KCND2: variants seen among roughly 807,000 people sequenced by gnomAD.
KCND2 encodes the protein potassium voltage-gated channel subfamily D member 2, also known as A-type voltage-gated potassium channel KCND2.
Under a neutral mutation model 54.4 loss-of-function variants are expected in KCND2, and 16 were observed. That is an observed-to-expected ratio of 0.29 (90% CI 0.20 to 0.45). The LOEUF (loss-of-function observed/expected upper bound fraction) is 0.45. Among genes scored for constraint, KCND2 ranks in the 20% least tolerant of loss-of-function variants. KCND2 has a pLI of 1.00. For synonymous variants in KCND2, 317 were observed against 310.7 expected, an observed-to-expected ratio of 1.02 and a Z score of -0.21; for missense variants, 486 against 824.2, an observed-to-expected ratio of 0.59 and a Z score of 5.02.
Position 120,528,121 on chromosome 7 carries a change from C to T in KCND2, c.1116-204782C>T, listed in dbSNP as rs114196758. Among the ~76,000 whole-genome samples the T allele has an allele frequency of 5.1e-3, 771 of 152,092 alleles. 6 individuals are homozygous for T. The highest frequency in any genetic ancestry group is 0.018 in the African/African-American group (727 of 41,522). On this transcript the variant is annotated intron_variant, in intron 1 of 5. Transcript: ENST00000331113. ...TCTGCTACAAAGACAAACATTGTCC[C>T]AATACTCTCAGGCCCACAGGGAAGA...
chr7:120,397,061 T>A (rs1164249759), intron 1 of KCND2, among the ~76,000 whole-genome samples: 1 of 152,028 alleles, frequency 6.6e-6, no homozygotes, highest in African/African-American at 2.4e-5. Context: ...TACACGATCC[T>A]AGGAAAGAAG....
chr7:120,361,515 A>G (rs1197717026), intron 1 of KCND2, among the ~76,000 whole-genome samples: 5 of 151,988 alleles, frequency 3.3e-5, no homozygotes, highest in African/African-American at 7.2e-5. Flanking sequence ...TTAGAAGGGC[A>G]ATTTGTAAAA....
chr7:120,276,304 A>C (rs1310213037), intron 1 of KCND2, among the ~76,000 whole-genome samples: 2 of 152,182 alleles, frequency 1.3e-5, no homozygotes, highest in East Asian at 3.8e-4. Flanking sequence ...ATTCATATGT[A>C]TGCACTTTAA....
At chr7:120,736,405 C>A (rs977628936) in intron 2 of KCND2, among the ~76,000 whole-genome samples, 2 of 151,932 alleles carry the variant, frequency 1.3e-5, no homozygotes, top group African/African-American at 4.8e-5. Context: ...CTACTCCCAC[C>A]ATTGGTAATT....
At chr7:120,326,406 A>T (rs1799978688) in intron 1 of KCND2, among the ~76,000 whole-genome samples, 1 of 152,128 alleles carries the variant, frequency 6.6e-6, no homozygotes, top group Non-Finnish European at 1.5e-5. Flanking sequence ...ACAAAAATAG[A>T]AAAGTGATTA....
At chr7:120,713,514 CTGTGAAACAGT>C (rs1792566446) in intron 1 of KCND2, among the ~76,000 whole-genome samples, 2 of 152,166 alleles carry the variant, frequency 1.3e-5, no homozygotes, top group African/African-American at 2.4e-5. Flanking sequence ...ATGTCATCAA[CTGTGAAACAGT>C]AGGAAAGAGC....
At chr7:120,406,135 T>C (rs1456527455) in intron 1 of KCND2, among the ~76,000 whole-genome samples, 1 of 151,982 alleles carries the variant, frequency 6.6e-6, no homozygotes, top group Non-Finnish European at 1.5e-5. Flanking sequence ...AGGCATATGA[T>C]ATCTGGTGAA....
intron 1 of KCND2, among the ~76,000 whole-genome samples, chr7:120,445,285 T>A (rs1397711293): frequency 6.6e-6 from 1 of 152,194 alleles, no homozygotes; most frequent in Non-Finnish European, 1.5e-5. Flanking sequence ...AAGCCATTGT[T>A]GAAAAACAGT....
At chr7:120,426,584 C>CTTTTT (rs1563042450) in intron 1 of KCND2, among the ~76,000 whole-genome samples, 1 of 123,752 alleles carries the variant, frequency 8.1e-6, no homozygotes. Context: ...TGGGGTTTTT[C>CTTTTT]TTTGTTTTTT....
chr7:120,503,706 C>T (rs1802971996), intron 1 of KCND2, among the ~76,000 whole-genome samples: 1 of 151,870 alleles, frequency 6.6e-6, no homozygotes, highest in South Asian at 2.1e-4. Context: ...TCCCAGAGCC[C>T]CAGCTCTTTA....
chr7:120,630,553 T>C (rs573523127), intron 1 of KCND2, among the ~76,000 whole-genome samples: 1 of 152,278 alleles, frequency 6.6e-6, no homozygotes, highest in African/African-American at 2.4e-5. Context: ...TTATTATTAA[T>C]TTTAAATAAA....
At chr7:120,515,996 C>T (rs1441546808) in intron 1 of KCND2, among the ~76,000 whole-genome samples, 1 of 152,110 alleles carries the variant, frequency 6.6e-6, no homozygotes, top group African/African-American at 2.4e-5. Flanking sequence ...TATACCTCTT[C>T]TCAGCACTTT....
intron 1 of KCND2, among the ~76,000 whole-genome samples, chr7:120,641,472 G>A (rs901590747): frequency 6.6e-6 from 1 of 151,986 alleles, no homozygotes; most frequent in Non-Finnish European, 1.5e-5. Context: ...ATAATGGATA[G>A]TTTCTCCAGG....
At chr7:120,601,814 C>G (rs191956289) in intron 1 of KCND2, among the ~76,000 whole-genome samples, 30 of 152,254 alleles carry the variant, frequency 2.0e-4, no homozygotes, top group African/African-American at 6.3e-4. Context: ...ATAAAACTCT[C>G]TACCCACACT....
intron 1 of KCND2, among the ~76,000 whole-genome samples, chr7:120,387,845 A>T (rs985199086): frequency 1.3e-5 from 2 of 152,024 alleles, no homozygotes; most frequent in African/African-American, 2.4e-5. Flanking sequence ...TATTTTAAAA[A>T]ATATATTATT....
At chr7:120,728,059 A>G (rs1300134397) in intron 1 of KCND2, among the ~76,000 whole-genome samples, 3 of 148,790 alleles carry the variant, frequency 2.0e-5, no homozygotes, top group African/African-American at 7.4e-5. Flanking sequence ...GCTTGAACCC[A>G]GGAGGCAGAG....
intron 1 of KCND2, among the ~76,000 whole-genome samples, chr7:120,561,597 G>GA (rs1792233294): frequency 1.0e-5 from 1 of 99,756 alleles, no homozygotes; most frequent in African/African-American, 3.7e-5. Flanking sequence ...TAAGCTACCT[G>GA]ATTTTTTTTT....
At chr7:120,281,794 T>C (rs1799267968) in intron 1 of KCND2, among the ~76,000 whole-genome samples, 1 of 152,192 alleles carries the variant, frequency 6.6e-6, no homozygotes, top group Non-Finnish European at 1.5e-5. Flanking sequence ...TTGTACGCCA[T>C]GGAGAGCTCC....
At chr7:120,633,465 G>C (rs927562878) in intron 1 of KCND2, among the ~76,000 whole-genome samples, 7 of 152,200 alleles carry the variant, frequency 4.6e-5, no homozygotes, top group African/African-American at 1.2e-4. Context: ...AGCAATAAAC[G>C]TTTGAAAGAA....
Sources: gnomAD v4.1 joint callset for allele counts (sites outside exome capture counted in the v4.1 genomes callset) on GRCh38, gnomAD v4.1.1 for gene constraint, MANE v1.5 for transcripts, NCBI Gene and HGNC (gene_info 2026-07-23, HGNC 2026-07-21) for gene names.